The following ROR1 variants were observed in gnomAD, a reference collection of about 807,000 sequenced individuals.
The protein encoded by ROR1 is ROR family WNT receptor 1.
ROR1 carries 19 observed loss-of-function variants against 78.8 expected under a neutral mutation model. That is an observed-to-expected ratio of 0.24 (90% CI 0.17 to 0.35). The LOEUF (loss-of-function observed/expected upper bound fraction) is 0.35, where lower values mean the gene tolerates loss of function less well. Ranked by LOEUF, ROR1 falls within the 10% of genes least tolerant of loss-of-function variation. The pLI is 1.00. For missense variants in ROR1, 917 were observed against 1,177.8 expected, an observed-to-expected ratio of 0.78 and a Z score of 3.24; for synonymous variants, 386 against 433.6, an observed-to-expected ratio of 0.89 and a Z score of 1.36.
intron 4 of ROR1, among the ~76,000 whole-genome samples, chr1:64,069,373 C>T (rs188364292): frequency 8.5e-4 from 130 of 152,264 alleles, no homozygotes; most frequent in Middle Eastern, 3.4e-3. Context: ...TCAAACACTA[C>T]AGAACTCGTA....
intron 1 of ROR1, among the ~76,000 whole-genome samples, chr1:63,979,261 G>A (rs576889383): frequency 6.6e-6 from 1 of 152,198 alleles, no homozygotes; most frequent in South Asian, 2.1e-4. Flanking sequence ...GCTGACTCGG[G>A]GGTACTGTAT....
intron 2 of ROR1, among the ~76,000 whole-genome samples, chr1:64,035,500 C>T (rs1210375509): frequency 6.6e-6 from 1 of 152,136 alleles, no homozygotes. Context: ...GAATTTATAA[C>T]CCTGTCCTTC....
At chr1:64,010,203 G>C (rs1303515237) in intron 2 of ROR1, among the ~76,000 whole-genome samples, 10 of 152,022 alleles carry the variant, frequency 6.6e-5, no homozygotes, top group East Asian at 1.9e-4. Context: ...ATCCAGTCTT[G>C]TCTAATCCCT....
chr1:63,939,394 G>A (rs1645818585), intron 1 of ROR1, among the ~76,000 whole-genome samples: 1 of 151,468 alleles, frequency 6.6e-6, no homozygotes, highest in South Asian at 2.1e-4. Context: ...AGGGTGGTAT[G>A]CCAGGTATAT....
In ROR1 at chr1:63,797,954, T is replaced by C. The variant is rs139429293; in HGVS notation, c.91+23446T>C. On this transcript the variant is annotated intron_variant, in intron 1 of 8. Transcript: ENST00000371079. Reference sequence around the variant, plus strand: ...CACTAAATACTGCACCACATAATCATTGGAAGCCATATACTGGCAAGGGAG... The same window carrying C: ...CACTAAATACTGCACCACATAATCACTGGAAGCCATATACTGGCAAGGGAG... 4.0e-4 allele frequency among the ~76,000 whole-genome samples: 60 copies of C among 151,850 alleles called. No individual in the cohort carries two copies. In the South Asian group the frequency reaches 0.011, roughly 28 times the overall value.
chr1:64,043,523 A>C (rs1285615628), intron 2 of ROR1, among the ~76,000 whole-genome samples: 6 of 152,214 alleles, frequency 3.9e-5, no homozygotes, highest in Non-Finnish European at 8.8e-5. Flanking sequence ...TAAAAAGCTC[A>C]TTCTCAATGA....
rs370148484 is a variant in ROR1 at position 64,096,710 on chromosome 1, T to C, written c.483-40659T>C. 1.5e-4 allele frequency among the ~76,000 whole-genome samples: 23 copies of C among 152,268 alleles called. No homozygotes were observed. The South Asian group carries it at 4.8e-3, about 32-fold the overall frequency. On this transcript the variant is annotated intron_variant, in intron 4 of 8. Coordinates refer to ENST00000371079, the MANE Select transcript of ROR1 (RefSeq NM_005012.4). ...AATAGTGCTGTAATGAACATACTCA[T>C]GCACATGTCTTTATAATAGAATGAT... is the stretch of plus-strand genomic sequence containing the variant.
intron 4 of ROR1, among the ~76,000 whole-genome samples, chr1:64,052,670 T>G (rs1017717429): frequency 6.6e-6 from 1 of 152,196 alleles, no homozygotes; most frequent in Non-Finnish European, 1.5e-5. Context: ...GCATCTCTGT[T>G]TTATATTAGC....
chr1:63,776,378 G>A (rs550667091), intron 1 of ROR1, among the ~76,000 whole-genome samples: 126 of 152,292 alleles, frequency 8.3e-4, no homozygotes, highest in Non-Finnish European at 1.5e-3. Context: ...TGTAGCAGGA[G>A]GAGCCACAGA....
At chr1:63,854,134 A>G (rs1282450064) in intron 1 of ROR1, among the ~76,000 whole-genome samples, 1 of 152,192 alleles carries the variant, frequency 6.6e-6, no homozygotes, top group Non-Finnish European at 1.5e-5. Context: ...AACGTTTTCA[A>G]TGGAAATATC....
intron 1 of ROR1, among the ~76,000 whole-genome samples, chr1:63,996,941 A>C (rs1412930325): frequency 6.6e-6 from 1 of 152,168 alleles, no homozygotes. Context: ...CAACCAGGGT[A>C]TGATTATCTC....
rs1259725961 is a variant in ROR1 at position 64,181,284 on chromosome 1, A to G, written c.*2429A>G. 2.0e-5 allele frequency: 3 copies of G among 152,162 alleles called. No individual in the cohort carries two copies. The highest frequency in any genetic ancestry group is 7.2e-5 in the African/African-American group (3 of 41,440). The allele number at this position is 152,162 out of a possible 1,614,324, so 9.4% of individuals were successfully genotyped here. A position where few individuals can be genotyped will look rare whatever the true frequency, so the allele number is the denominator to read the frequency against. ...CAATTTTCAGATATCTCACCTTACCATATCTTTCCTTATTTTCACTGCATG... is the reference window on the plus strand; with the variant it reads ...CAATTTTCAGATATCTCACCTTACCGTATCTTTCCTTATTTTCACTGCATG... On this transcript the variant is annotated 3_prime_UTR_variant, in exon 9 of 9. Coordinates refer to ENST00000371079, the MANE Select transcript of ROR1 (RefSeq NM_005012.4).
At chr1:63,923,904 C>G (rs1645677788) in intron 1 of ROR1, among the ~76,000 whole-genome samples, 2 of 151,812 alleles carry the variant, frequency 1.3e-5, no homozygotes, top group Non-Finnish European at 2.9e-5. Context: ...TTGGATGCAC[C>G]AAAACCAGGG....
At chr1:63,903,534 T>C (rs1645502570) in intron 1 of ROR1, among the ~76,000 whole-genome samples, 1 of 152,026 alleles carries the variant, frequency 6.6e-6, no homozygotes, top group Non-Finnish European at 1.5e-5. Flanking sequence ...CAAAAAGAAA[T>C]ACTCAAAGAC....
At chr1:64,087,997 C>T (rs980861516) in intron 4 of ROR1, among the ~76,000 whole-genome samples, 2 of 152,186 alleles carry the variant, frequency 1.3e-5, no homozygotes, top group South Asian at 2.1e-4. Context: ...CTCCTGCTTT[C>T]GTTGGGGATT....
At chr1:63,893,229 G>T (rs1645411784) in intron 1 of ROR1, among the ~76,000 whole-genome samples, 1 of 152,022 alleles carries the variant, frequency 6.6e-6, no homozygotes, top group South Asian at 2.1e-4. Flanking sequence ...GCAGTGAGGC[G>T]TGAAACCTCA....
intron 1 of ROR1, among the ~76,000 whole-genome samples, chr1:63,932,452 T>C (rs1645761139): frequency 6.6e-6 from 1 of 152,094 alleles, no homozygotes; most frequent in Non-Finnish European, 1.5e-5. Flanking sequence ...AGAAAAAGGC[T>C]GTTGGGTGCT....
At chr1:64,116,215 G>T (rs1285795893) in intron 4 of ROR1, among the ~76,000 whole-genome samples, 1 of 152,144 alleles carries the variant, frequency 6.6e-6, no homozygotes. Flanking sequence ...CTGTGGGATG[G>T]CTGTGTCTCA....
chr1:64,094,716 A>C (rs1482710933), intron 4 of ROR1: 1 of 152,388 alleles, frequency 6.6e-6, no homozygotes, highest in Non-Finnish European at 1.5e-5. Context: ...CAGCCTCCTG[A>C]GTAGATGGGA....
Sources: gnomAD v4.1 joint callset for allele counts (sites outside exome capture counted in the v4.1 genomes callset) on GRCh38, gnomAD v4.1.1 for gene constraint, MANE v1.5 for transcripts, NCBI Gene and HGNC (gene_info 2026-07-23, HGNC 2026-07-21) for gene names.